Variants in AHNAK2 observed in about 807,000 individuals in gnomAD.
The protein encoded by AHNAK2 is protein AHNAK2.
In AHNAK2, 18 loss-of-function variants were observed where a neutral mutation model predicts 30.7. That is an observed-to-expected ratio of 0.59 (90% CI 0.41 to 0.87). AHNAK2 has a LOEUF of 0.87. Among genes scored for constraint, AHNAK2 ranks in the 40% least tolerant of loss-of-function variants. The pLI, the probability that AHNAK2 is intolerant of heterozygous loss-of-function variation, is 0.00. For missense variants in AHNAK2, 8,604 were observed against 7,373.0 expected, an observed-to-expected ratio of 1.17 and a Z score of -6.11; for synonymous variants, 3,590 against 3,073.8, an observed-to-expected ratio of 1.17 and a Z score of -5.56.
rs142241633 is a variant in AHNAK2, at chr14:104,952,184, G to A, written c.3267C>T (p.Phe1089=). Residue 1089 remains phenylalanine, a synonymous_variant, in exon 7 of 7, where the codon TTC becomes TTT. Transcript: ENST00000333244. ...CCTTGAGGGCCACTTTGGGCATCTTGAAACTGGGCATCTCCACCTTGGGCA... is the reference window on the plus strand; with the variant it reads ...CCTTGAGGGCCACTTTGGGCATCTTAAAACTGGGCATCTCCACCTTGGGCA... The part of the protein sequence containing the change: ...GHLPKVEMPS[F]KMPKVALKGP... 6.3e-7 allele frequency: 1 copy of A among 1,584,574 alleles called. No homozygotes were observed. Among genetic ancestry groups the A allele is most frequent in the Non-Finnish European group, 8.6e-7 (1 of 1,169,258 alleles).
chr14:104,954,147 T>C lies in AHNAK2; in HGVS notation c.1304A>G (p.Gln435Arg). 2 of 1,610,848 alleles carry C rather than the reference T, an allele frequency of 1.2e-6. No individual in the cohort carries two copies. The highest frequency in any genetic ancestry group is 1.7e-6 in the Non-Finnish European group (2 of 1,179,836). Reference sequence around the variant, plus strand: ...AGTTGGCTGGGCCCTGGGCTTCCTCTGGGCCACTGCTGTCTCCTGTGCCTG... The same window carrying C: ...AGTTGGCTGGGCCCTGGGCTTCCTCCGGGCCACTGCTGTCTCCTGTGCCTG... ...EGQAQETAVAQRKPRAQPTPG... is the reference protein window; with the variant it reads ...EGQAQETAVARRKPRAQPTPG... Residue 435 changes from glutamine (Q) to arginine (R), a missense_variant, in exon 7 of 7, where the codon CAG becomes CGG. Gln to Arg is a conservative substitution (Grantham distance 43, BLOSUM62 1). Coordinates refer to ENST00000333244, the MANE Select transcript of AHNAK2 (RefSeq NM_138420.4). The surrounding 1 kb of genome is among the most constrained non-coding windows in gnomAD (Gnocchi z 4.3).
chr14:104,956,390 A>G (rs1224959476), intron 4 of AHNAK2, among the ~76,000 whole-genome samples, 198 bp downstream of exon 4: 4 of 152,142 alleles, frequency 2.6e-5, no homozygotes, highest in Non-Finnish European at 2.9e-5. Flanking sequence ...GGAGAGGGCC[A>G]GGACCAGATG....
chr14:104,975,242 G>A (rs1229541022), intron 1 of AHNAK2, among the ~76,000 whole-genome samples: 2 of 152,196 alleles, frequency 1.3e-5, no homozygotes, highest in Non-Finnish European at 2.9e-5. Flanking sequence ...GAGGCTCTGC[G>A]GGCTTGACCC....
At chr14:104,955,271 CCCCCA>C (rs1898938278) in intron 5 of AHNAK2, 130 bp from the exon 6 acceptor site, 1 of 1,302,126 alleles carries the variant, frequency 7.7e-7, no homozygotes, top group South Asian at 1.4e-5. Context: ...CCCCACCAGT[CCCCCA>C]CTGAGTGCCT....
At chr14:104,974,736 G>A (rs1049435417) in intron 1 of AHNAK2, among the ~76,000 whole-genome samples, 9 of 152,226 alleles carry the variant, frequency 5.9e-5, no homozygotes, top group Non-Finnish European at 1.0e-4. Flanking sequence ...CCAGACAGAC[G>A]GGGAAGCACC....
At position 104,940,482 on chromosome 14, in the gene AHNAK2, A is replaced by G; in HGVS notation, c.14969T>C (p.Leu4990Ser). The change falls in exon 7 of 7, where the codon TTA (leucine) becomes TCA (serine). Residue 4990 changes from leucine to serine, a missense_variant. Transcript: ENST00000333244. This position sits in a 1 kb window ranked among gnomAD's most constrained non-coding sequence, Gnocchi z 4.4. Reference sequence around the variant, plus strand: ...CTGCGGGGCCACTTCATCCTTGTCTAAAACCAGGCTGAGTTTTGAGTCCTC... The same window carrying G: ...CTGCGGGGCCACTTCATCCTTGTCTGAAACCAGGCTGAGTTTTGAGTCCTC... ...SVEDSKLSLVLDKDEVAPQSA... is the reference protein window; with the variant it reads ...SVEDSKLSLVSDKDEVAPQSA... 1 of 1,613,792 alleles carries G rather than the reference A, an allele frequency of 6.2e-7. No individual in the cohort carries two copies. The highest frequency in any genetic ancestry group is 8.5e-7 in the Non-Finnish European group (1 of 1,179,890).
At position 104,938,450 on chromosome 14, in the gene AHNAK2, ATTT is replaced by A. The variant is rs759143517; in HGVS notation, c.16998_17000del (p.Lys5666del). 18 of 1,613,876 alleles carry A rather than the reference ATTT, an allele frequency of 1.1e-5. No homozygotes were observed. Among genetic ancestry groups the A allele is most frequent in the Non-Finnish European group, 1.4e-5 (17 of 1,179,862 alleles). ...GAATGGGAGCAGATCTCTGGACGTC[ATTT>A]TTGGAATCAACACCTGTCTCATCAA... On this transcript the variant is annotated inframe_deletion, in exon 7 of 7. Coordinates refer to ENST00000333244, the MANE Select transcript of AHNAK2 (RefSeq NM_138420.4).
Position 104,950,524 on chromosome 14 carries a change from C to G in AHNAK2, c.4927G>C (p.Asp1643His), listed in dbSNP as rs745488924. The change falls in exon 7 of 7, where the codon GAC becomes CAC. Residue 1643 changes from aspartate to histidine, a missense_variant. Coordinates refer to ENST00000333244, the MANE Select transcript of AHNAK2 (RefSeq NM_138420.4). ...AKLDGAQLEG[D>H]LSLADKAVTA... ...ACCGCCTTGTCGGCCAGGGACAGGT[C>G]CCCCTCCAGCTGCGCACCATCCAGC... 8.8e-6 allele frequency: 14 copies of G among 1,587,030 alleles called. No homozygotes were observed. The highest frequency in any genetic ancestry group is 1.1e-5 in the Non-Finnish European group (13 of 1,162,940).
Position 104,940,840 on chromosome 14 carries a change from C to A in AHNAK2, c.14611G>T (p.Val4871Leu), listed in dbSNP as rs1897958657. 2 of 1,612,998 alleles carry A rather than the reference C, an allele frequency of 1.2e-6. No homozygotes were observed. The highest frequency in any genetic ancestry group is 1.1e-5 in the South Asian group (1 of 91,080). ...ACTGCCATTTGGGGGACTGAAAACA[C>A]AAACTTTGGTTTATAGAATTTAGGA... ...SFPKFYKPKFVFSVPQMAVPE... is the reference protein window; with the variant it reads ...SFPKFYKPKFLFSVPQMAVPE... Residue 4871 changes from valine (V) to leucine (L), a missense_variant, in exon 7 of 7, where the codon GTG becomes TTG. Val to Leu is a conservative substitution (Grantham distance 32). Transcript: ENST00000333244. This position sits in a 1 kb window ranked among gnomAD's most constrained non-coding sequence, Gnocchi z 4.4.
Position 104,954,197 on chromosome 14 carries a change from C to T in AHNAK2, c.1254G>A (p.Arg418=), listed in dbSNP as rs41307096. 4.3e-6 allele frequency: 7 copies of T among 1,610,152 alleles called. No homozygotes were observed. Among genetic ancestry groups the T allele is most frequent in the Non-Finnish European group, 5.9e-6 (7 of 1,179,692 alleles). The change falls in exon 7 of 7, where the codon AGG becomes AGA. Residue 418 remains arginine, a synonymous_variant. Transcript: ENST00000333244. The surrounding 1 kb of genome is among the most constrained non-coding windows in gnomAD (Gnocchi z 4.3). ...GCCCCTCCAGGGTCTTTCCATGGAG[C>T]CTGGCTGCCCTGAGTCCCCCTTCCT... ...TPQEGGLRAA[R]LHGKTLEGQA...
Position 104,953,369 on chromosome 14 carries a change from C to G in AHNAK2, c.2082G>C (p.Met694Ile), listed in dbSNP as rs200409534. The change falls in exon 7 of 7, where the codon ATG (methionine) becomes ATC (isoleucine). Residue 694 changes from methionine (M) to isoleucine (I), a missense_variant. By Grantham distance (10) the Met-to-Ile change is conservative. Coordinates refer to ENST00000333244, the MANE Select transcript of AHNAK2 (RefSeq NM_138420.4). ...GCGCAGACACATCCACCGAGGCCTCCATGGACTTGCCTGGGGCTGACGCCC... is the reference window on the plus strand; with the variant it reads ...GCGCAGACACATCCACCGAGGCCTCGATGGACTTGCCTGGGGCTGACGCCC... Reference protein sequence around the residue: ...LFGASAPGKSMEASVDVSAPK... With the variant: ...LFGASAPGKSIEASVDVSAPK... 7.0e-4 allele frequency: 1,134 copies of G among 1,612,828 alleles called. 21 individuals are homozygous for G. The African/African-American group carries it at 0.013, about 19-fold the overall frequency.
chr14:104,946,218 C>A lies in AHNAK2; in HGVS notation c.9233G>T (p.Gly3078Val), dbSNP rs750567897. 13 of 1,598,340 alleles carry A rather than the reference C, an allele frequency of 8.1e-6. No individual in the cohort carries two copies. Among genetic ancestry groups the A allele is most frequent in the Admixed American group, 6.8e-5 (4 of 58,918 alleles). ...GGGGCCCTTGACATCTATCTGGGGT[C>A]CCTTGCGATCTACTTTGGGCATCTT... The part of the protein sequence containing the change: ...SFKMPKVDRK[G>V]PQIDVKGPKL... Residue 3078 changes from glycine (G) to valine (V), a missense_variant, in exon 7 of 7, where the codon GGA becomes GTA. Physicochemically the swap from Gly to Val is moderately radical, Grantham distance 109. Coordinates refer to ENST00000333244, the MANE Select transcript of AHNAK2 (RefSeq NM_138420.4).
At chr14:104,968,509 CA>C (rs1899377514) in intron 1 of AHNAK2, among the ~76,000 whole-genome samples, 1 of 152,226 alleles carries the variant, frequency 6.6e-6, no homozygotes, top group South Asian at 2.1e-4. Context: ...GGACTCCCAC[CA>C]GCCACCAGCT....
intron 1 of AHNAK2, among the ~76,000 whole-genome samples, chr14:104,972,258 G>T (rs1298075833): frequency 2.0e-5 from 3 of 149,960 alleles, no homozygotes; most frequent in Non-Finnish European, 3.0e-5. Flanking sequence ...CGGTCACAAA[G>T]ATAGAAAACG....
rs765833389 is a variant in AHNAK2, at chr14:104,946,840, C to G, written c.8611G>C (p.Glu2871Gln). 1 of 1,604,414 alleles carries G rather than the reference C, an allele frequency of 6.2e-7. No individual in the cohort carries two copies. Among genetic ancestry groups the G allele is most frequent in the South Asian group, 1.1e-5 (1 of 90,346 alleles). ...ACGTCCACCTGGCCAGCCTGGACCT[C>G]CAGTTGGGCGGAGGGGGGCTGAATG... ...IRIQPPSAQL[E>Q]VQAGQVDVKL... The change falls in exon 7 of 7, where the codon GAG becomes CAG. Residue 2871 changes from glutamate to glutamine, a missense_variant. Glu to Gln is a conservative substitution (Grantham distance 29, BLOSUM62 2). Coordinates refer to ENST00000333244, the MANE Select transcript of AHNAK2 (RefSeq NM_138420.4).
intron 4 of AHNAK2, 64 bp downstream of exon 4, chr14:104,956,524 C>T: frequency 6.4e-7 from 1 of 1,556,090 alleles, no homozygotes; most frequent in Admixed American, 1.7e-5. Context: ...TGACCTCGGA[C>T]TCTCTGGCTG....
Position 104,945,307 on chromosome 14 carries a change from G to A in AHNAK2, c.10144C>T (p.Pro3382Ser). Residue 3382 changes from proline (P) to serine (S), a missense_variant, in exon 7 of 7, where the codon CCC (proline) becomes TCC (serine). By Grantham distance (74) the Pro-to-Ser change is moderately conservative (BLOSUM62 -1). Transcript: ENST00000333244. ...TGCCCTTTGAGGCCAGCTCCCTCGG[G>A]CACGTGGCCCTCCGGGAGCTTCACG... ...VDVKLPEGHV[P>S]EGAGLKGHLP... is the part of the protein sequence containing the mutation. 6.2e-7 allele frequency: 1 copy of A among 1,612,980 alleles called. No homozygotes were observed. Among genetic ancestry groups the A allele is most frequent in the Admixed American group, 1.7e-5 (1 of 59,958 alleles).
Position 104,952,766 on chromosome 14 carries a change from G to A in AHNAK2, c.2685C>T (p.Gly895=), listed in dbSNP as rs2582501. ...PPSADLEVQA[G]QVDVKLPEGP... ...CCTCCGGAAGTTTCACATCCACTTG[G>A]CCAGCCTGGACCTCCAGGTCAGCGG... The change falls in exon 7 of 7, where the codon GGC becomes GGT. Residue 895 remains glycine (G), a synonymous_variant. Coordinates refer to ENST00000333244, the MANE Select transcript of AHNAK2 (RefSeq NM_138420.4). The A allele has an allele frequency of 2.7e-3, 4,430 of 1,612,490 alleles. 199 individuals carry two copies. The African/African-American group carries it at 0.053, about 19-fold the overall frequency.
Position 104,944,638 on chromosome 14 carries a change from C to A in AHNAK2, c.10813G>T (p.Glu3605Ter), listed in dbSNP as rs1223239260. Reference protein sequence around the residue: ...PDVEVSLPSVEVDVQAPKAKL... With the variant: ...PDVEVSLPSV The stretch of plus-strand genomic sequence containing the variant: ...GCCTTCGGGGCCTGGACATCCACCT[C>A]CACGCTGGGCAGAGACACCTCGACA... The change falls in exon 7 of 7, where the codon GAG (glutamate) becomes TAG (stop). Residue 3605 changes from glutamate to a stop codon, truncating the protein, a stop_gained. Transcript: ENST00000333244. LOFTEE classifies it low-confidence loss of function (END_TRUNC). 5 of 1,613,184 alleles carry A rather than the reference C, an allele frequency of 3.1e-6. No individual in the cohort carries two copies. In the South Asian group the frequency reaches 4.4e-5, roughly 14 times the overall value.
Sources: allele counts gnomAD v4.1 joint callset (sites outside exome capture counted in the v4.1 genomes callset), GRCh38; gene constraint gnomAD v4.1.1; non-coding constraint Gnocchi (gnomAD v3.1); transcripts MANE v1.5; gene names NCBI Gene and HGNC (gene_info 2026-07-23, HGNC 2026-07-21).